The following ADGRB3 variants were observed in gnomAD, a reference collection of about 807,000 sequenced individuals.
ADGRB3 encodes the protein adhesion G protein-coupled receptor B3.
Under a neutral mutation model 193.4 loss-of-function variants are expected in ADGRB3, and 37 were observed. That is an observed-to-expected ratio of 0.19 (90% CI 0.15 to 0.25). ADGRB3 has a LOEUF of 0.25. Among genes scored for constraint, ADGRB3 ranks in the 10% least tolerant of loss-of-function variants. The pLI, the probability that ADGRB3 is intolerant of heterozygous loss-of-function variation, is 1.00. For missense variants in ADGRB3, 1,637 were observed against 1,852.9 expected, an observed-to-expected ratio of 0.88 and a Z score of 2.14; for synonymous variants, 690 against 644.2, an observed-to-expected ratio of 1.07 and a Z score of -1.08.
intron 3 of ADGRB3, among the ~76,000 whole-genome samples, chr6:68,885,783 G>A (rs1204678672): frequency 6.6e-6 from 1 of 152,086 alleles, no homozygotes; most frequent in Admixed American, 6.6e-5. Context: ...TTGGAGTAGG[G>A]AAATACTAGG....
intron 3 of ADGRB3, among the ~76,000 whole-genome samples, chr6:68,773,962 C>T (rs575174667): frequency 6.6e-6 from 1 of 152,014 alleles, no homozygotes; most frequent in Non-Finnish European, 1.5e-5. Context: ...CAAGGTGGGG[C>T]TGTCCATGTA....
chr6:69,233,450 A>C (rs1369795824), intron 18 of ADGRB3, 34 bp downstream of exon 18: 19 of 1,612,930 alleles, frequency 1.2e-5, no homozygotes, highest in Non-Finnish European at 1.6e-5. Flanking sequence ...GCTTTAACGC[A>C]AAGACAGGGA....
intron 8 of ADGRB3, among the ~76,000 whole-genome samples, chr6:68,974,186 T>A (rs1768670197): frequency 6.6e-6 from 1 of 152,192 alleles, no homozygotes; most frequent in African/African-American, 2.4e-5. Flanking sequence ...TTTATTGATA[T>A]GCCTGAATAT....
intron 3 of ADGRB3, among the ~76,000 whole-genome samples, chr6:68,859,103 A>G: frequency 6.6e-6 from 1 of 152,128 alleles, no homozygotes; most frequent in Non-Finnish European, 1.5e-5. Flanking sequence ...CACCAGATAT[A>G]CTAAATTATC....
At chr6:69,204,566 G>T (rs1474720798) in intron 17 of ADGRB3, among the ~76,000 whole-genome samples, 1 of 151,916 alleles carries the variant, frequency 6.6e-6, no homozygotes, top group Admixed American at 6.6e-5. Context: ...CCCACTACTG[G>T]TATGTTTAGT....
chr6:69,330,712 A>G, intron 23 of ADGRB3, 140 bp downstream of exon 23: 1 of 515,436 alleles, frequency 1.9e-6, no homozygotes, highest in Non-Finnish European at 3.3e-6. Flanking sequence ...CTAATTGAAT[A>G]TAAATTATTA....
chr6:69,258,426 A>G (rs1282214435), intron 20 of ADGRB3, among the ~76,000 whole-genome samples: 1 of 152,242 alleles, frequency 6.6e-6, no homozygotes, highest in African/African-American at 2.4e-5. Flanking sequence ...ATTCACATGT[A>G]TATAGAAGTG....
chr6:68,881,561 T>C (rs1194407593), intron 3 of ADGRB3, among the ~76,000 whole-genome samples: 2 of 152,158 alleles, frequency 1.3e-5, no homozygotes, highest in African/African-American at 4.8e-5. Context: ...TAAGTGTGGA[T>C]ATTTGGGGAT....
intron 17 of ADGRB3, among the ~76,000 whole-genome samples, chr6:69,127,999 G>A (rs1214805856): frequency 2.0e-5 from 3 of 151,788 alleles, no homozygotes; most frequent in Non-Finnish European, 2.9e-5. Flanking sequence ...CATCTCTCTC[G>A]AGAGAAAAGA....
At chr6:69,383,202 A>G (rs1349942835) in intron 31 of ADGRB3, among the ~76,000 whole-genome samples, 3 of 152,048 alleles carry the variant, frequency 2.0e-5, no homozygotes, top group Non-Finnish European at 4.4e-5. Context: ...GCTTCATCTG[A>G]TCATTTTACT....
chr6:68,994,802 G>T (rs962828296), intron 11 of ADGRB3, among the ~76,000 whole-genome samples: 5 of 152,118 alleles, frequency 3.3e-5, no homozygotes, highest in African/African-American at 1.2e-4. Context: ...ATTAGGTTTT[G>T]TGTTCCTTCA....
At chr6:69,355,989 G>T in intron 28 of ADGRB3, 129 bp downstream of exon 28, 1 of 704,686 alleles carries the variant, frequency 1.4e-6, no homozygotes. Context: ...TATATGTAAA[G>T]CAGCCCCCAA....
At chr6:68,820,132 C>T (rs1767722370) in intron 3 of ADGRB3, among the ~76,000 whole-genome samples, 1 of 151,940 alleles carries the variant, frequency 6.6e-6, no homozygotes, top group African/African-American at 2.4e-5. Flanking sequence ...ACTGGGTACT[C>T]ACCTCCATAT....
intron 20 of ADGRB3, among the ~76,000 whole-genome samples, chr6:69,271,620 C>G (rs562019020): frequency 8.5e-5 from 13 of 152,168 alleles, no homozygotes; most frequent in Admixed American, 8.5e-4. Context: ...TTAAAGATAT[C>G]TCATTTAAAA....
Position 69,073,565 on chromosome 6 carries a change from G to C in ADGRB3, c.2437-2430G>C, listed in dbSNP as rs1331936375. Among the ~76,000 whole-genome samples the C allele has an allele frequency of 1.3e-5, 2 of 152,102 alleles. 1 individual carries two copies. Among genetic ancestry groups the C allele is most frequent in the South Asian group, 4.1e-4 (2 of 4,828 alleles). Reference sequence around the variant, plus strand: ...AGTCCTGCTAGCTGGCTTCCCCCTGGCAGACTGAATTCCAGTTTCCACCCC... The same window carrying C: ...AGTCCTGCTAGCTGGCTTCCCCCTGCCAGACTGAATTCCAGTTTCCACCCC... On this transcript the variant is annotated intron_variant, in intron 16 of 31. Transcript: ENST00000370598.
intron 20 of ADGRB3, among the ~76,000 whole-genome samples, chr6:69,253,109 C>T (rs1473816421): frequency 6.6e-6 from 1 of 151,926 alleles, no homozygotes; most frequent in Non-Finnish European, 1.5e-5. Flanking sequence ...ATGTGTGGAT[C>T]TGTTTCTGGA....
At chr6:69,028,960 C>G (rs572407781) in intron 13 of ADGRB3, among the ~76,000 whole-genome samples, 1 of 152,302 alleles carries the variant, frequency 6.6e-6, no homozygotes, top group Non-Finnish European at 1.5e-5. Flanking sequence ...ACTATTTACT[C>G]CTCACAACCT....
intron 3 of ADGRB3, among the ~76,000 whole-genome samples, chr6:68,827,658 GT>G (rs547890152): frequency 5.9e-5 from 9 of 151,622 alleles, no homozygotes; most frequent in African/African-American, 1.2e-4. Context: ...TATCTTCAGG[GT>G]TTTTTTTGGG....
intron 3 of ADGRB3, among the ~76,000 whole-genome samples, chr6:68,788,982 C>T (rs1201352034): frequency 1.3e-5 from 2 of 152,114 alleles, no homozygotes; most frequent in Non-Finnish European, 2.9e-5. Flanking sequence ...GCAAACCCTG[C>T]CTTTTTTTGT....
Sources: allele counts gnomAD v4.1 joint callset (sites outside exome capture counted in the v4.1 genomes callset), GRCh38; gene constraint gnomAD v4.1.1; transcripts MANE v1.5; gene names NCBI Gene and HGNC (gene_info 2026-07-23, HGNC 2026-07-21).